GLCCI1: variants seen among roughly 807,000 people sequenced by gnomAD.
GLCCI1 encodes glucocorticoid induced 1.
GLCCI1 carries 24 observed loss-of-function variants against 52.2 expected under a neutral mutation model. That is an observed-to-expected ratio of 0.46 (90% confidence interval 0.33 to 0.65). GLCCI1 has a LOEUF of 0.65. Among genes scored for constraint, GLCCI1 ranks in the 30% least tolerant of loss-of-function variants. GLCCI1 has a pLI of 0.02. For missense variants in GLCCI1, 704 were observed against 701.5 expected (o/e 1.00, Z -0.04); for synonymous variants, 310 against 276.5 (o/e 1.12, Z -1.20).
At chr7:7,981,828 T>C (rs2115408436) in intron 1 of GLCCI1, 1 of 427,346 alleles carries the variant, frequency 2.3e-6, no homozygotes. Flanking sequence ...TAAGCCCAAA[T>C]AGGAGGCAAA....
Position 8,060,233 on chromosome 7 carries a change from G to A in GLCCI1, c.951G>A (p.Lys317=). 2 of 1,610,492 alleles carry A rather than the reference G, an allele frequency of 1.2e-6. No individual in the cohort carries two copies. Among genetic ancestry groups the A allele is most frequent in the Non-Finnish European group, 1.7e-6 (2 of 1,177,208 alleles). The change falls in exon 5 of 8, where the codon AAG becomes AAA. Residue 317 remains lysine (K), a synonymous_variant. Transcript: ENST00000223145. ...TATTCATTAAAGAAAATAATGGGAA[G>A]GAAGAAGTATCCAAGGTAAGGTTAC... ...EKVFIKENNG[K]EEVSKPLDIP...
intron 3 of GLCCI1, among the ~76,000 whole-genome samples, chr7:8,054,945 A>T (rs1188459548): frequency 6.6e-6 from 1 of 151,938 alleles, no homozygotes. Flanking sequence ...ATAAGTTACT[A>T]AATAGCTTTG....
At chr7:8,075,625 G>A (rs1003090236) in intron 6 of GLCCI1, among the ~76,000 whole-genome samples, 1 of 152,198 alleles carries the variant, frequency 6.6e-6, no homozygotes, top group Non-Finnish European at 1.5e-5. Flanking sequence ...ACAAAATGTA[G>A]ACTTCAGTCA....
chr7:8,085,447 GGTTT>G (rs1272076141), intron 7 of GLCCI1, among the ~76,000 whole-genome samples: 7 of 152,128 alleles, frequency 4.6e-5, no homozygotes, highest in African/African-American at 4.8e-5. Flanking sequence ...GTTCACAAGG[GGTTT>G]GTTATCTTCA....
chr7:7,984,138 G>C (rs1780675654), intron 1 of GLCCI1, among the ~76,000 whole-genome samples: 2 of 152,222 alleles, frequency 1.3e-5, no homozygotes, highest in Admixed American at 6.5e-5. Context: ...ATGGCTCACT[G>C]CAGCCTCAGC....
chr7:8,042,399 CA>C (rs1283613581), intron 3 of GLCCI1, among the ~76,000 whole-genome samples: 6 of 152,134 alleles, frequency 3.9e-5, no homozygotes, highest in African/African-American at 1.2e-4. Flanking sequence ...TTCAAAATAT[CA>C]TTAACAGGAG....
At chr7:8,049,372 G>C (rs1782206325) in intron 3 of GLCCI1, among the ~76,000 whole-genome samples, 1 of 151,926 alleles carries the variant, frequency 6.6e-6, no homozygotes, top group Non-Finnish European at 1.5e-5. Flanking sequence ...GGTTTTTCTG[G>C]ACCTACAAGA....
intron 1 of GLCCI1, among the ~76,000 whole-genome samples, chr7:8,003,701 C>G (rs1583962922): frequency 6.6e-6 from 1 of 151,962 alleles, no homozygotes; most frequent in African/African-American, 2.4e-5. Context: ...TGTGGGAGCC[C>G]TGGAAATGTA....
At chr7:8,020,676 T>C (rs1447456595) in intron 2 of GLCCI1, among the ~76,000 whole-genome samples, 2 of 152,108 alleles carry the variant, frequency 1.3e-5, no homozygotes, top group East Asian at 1.9e-4. Flanking sequence ...TGAATAATTG[T>C]GGAAAATGCT....
intron 3 of GLCCI1, among the ~76,000 whole-genome samples, chr7:8,049,492 T>C (rs918539397): frequency 1.3e-5 from 2 of 152,190 alleles, no homozygotes; most frequent in African/African-American, 4.8e-5. Flanking sequence ...CTAAATTAAA[T>C]TGAATCGTAA....
At chr7:8,061,578 G>A (rs1207328039) in intron 5 of GLCCI1, among the ~76,000 whole-genome samples, 1 of 145,846 alleles carries the variant, frequency 6.9e-6, no homozygotes, top group Non-Finnish European at 1.5e-5. Flanking sequence ...AACATTTCAT[G>A]TTAAGTTTAT....
At position 7,992,043 on chromosome 7, in the gene GLCCI1, TTTTCTTTCTTTCTTTCTTTCTTTC is replaced by T. The variant is rs60028694; in HGVS notation, c.458-11831_458-11808del. ...CGTTGGAGGAATATTAGAATTTATT[TTTTCTTTCTTTCTTTCTTTCTTTC>T]TTTCTTTCTTTCTTTCTTTCTTTCT... On this transcript the variant is annotated intron_variant, in intron 1 of 7. Transcript: ENST00000223145. 2.7e-3 allele frequency among the ~76,000 whole-genome samples: 347 copies of T among 128,820 alleles called. 1 individual carries two copies. The highest frequency in any genetic ancestry group is 3.8e-3 in the Admixed American group (46 of 12,222). The allele number at this position is 128,820 out of a possible 152,430, so 84.5% of individuals were successfully genotyped here.
intron 1 of GLCCI1, among the ~76,000 whole-genome samples, chr7:7,995,575 A>G (rs1780922985): frequency 6.6e-6 from 1 of 152,220 alleles, no homozygotes; most frequent in Non-Finnish European, 1.5e-5. Flanking sequence ...GCAGCCATAA[A>G]AAAGGATGAG....
intron 3 of GLCCI1, among the ~76,000 whole-genome samples, chr7:8,052,120 T>TA (rs202182240): frequency 6.6e-6 from 1 of 152,070 alleles, no homozygotes; most frequent in Non-Finnish European, 1.5e-5. Flanking sequence ...TTTTTTTTTT[T>TA]AAAGGGCAGT....
intron 3 of GLCCI1, among the ~76,000 whole-genome samples, chr7:8,039,133 T>G (rs148864178): frequency 3.9e-5 from 6 of 152,118 alleles, no homozygotes; most frequent in African/African-American, 1.4e-4. Context: ...GAAAAGGGAA[T>G]GCTTATACAC....
At chr7:8,006,731 T>A (rs529291153) in intron 2 of GLCCI1, among the ~76,000 whole-genome samples, 3 of 152,310 alleles carry the variant, frequency 2.0e-5, no homozygotes, top group African/African-American at 7.2e-5. Flanking sequence ...AAACTAAGAA[T>A]TCTCAGATTC....
chr7:8,022,195 A>G (rs1781507815), intron 2 of GLCCI1, among the ~76,000 whole-genome samples: 1 of 152,190 alleles, frequency 6.6e-6, no homozygotes. Context: ...CAATACACAT[A>G]TCTTTACTAT....
In GLCCI1 at chr7:7,969,445, C is replaced by G; in HGVS notation, c.95C>G (p.Pro32Arg). 1 of 1,200,884 alleles carries G rather than the reference C, an allele frequency of 8.3e-7. No individual in the cohort carries two copies. Among genetic ancestry groups the G allele is most frequent in the Non-Finnish European group, 1.0e-6 (1 of 965,226 alleles). 74.4% of individuals were successfully genotyped at this position (1,200,884 alleles called of 1,614,324 possible). ...AGGCGCAGCGCCGCGGGGTCCCCGC[C>G]CGCCGTCGCCGCCGCCGGGAGCGGG... Reference protein sequence around the residue: ...RMRRSAAGSPPAVAAAGSGNG... With the variant: ...RMRRSAAGSPRAVAAAGSGNG... The change falls in exon 1 of 8, where the codon CCC becomes CGC. Residue 32 changes from proline (P) to arginine (R), a missense_variant. By Grantham distance (103) the Pro-to-Arg change is moderately radical (BLOSUM62 -2). Coordinates refer to ENST00000223145, the MANE Select transcript of GLCCI1 (RefSeq NM_138426.4). The surrounding 1 kb of genome is among the most constrained non-coding windows in gnomAD (Gnocchi z 4.9).
In GLCCI1 at chr7:8,086,127, A is replaced by T; in HGVS notation, c.1299-66A>T. The T allele has an allele frequency of 7.2e-7, 1 of 1,380,504 alleles. No individual in the cohort carries two copies. The highest frequency in any genetic ancestry group is 9.9e-7 in the Non-Finnish European group (1 of 1,009,042). 85.5% of individuals were successfully genotyped at this position (1,380,504 alleles called of 1,614,324 possible). ...TAGCTGTTTTAGAGAACTCCAGTTA[A>T]TTCAGAAAATGCTTAACTTTTTCTG... On this transcript the variant is annotated intron_variant, in intron 7 of 7. Coordinates refer to ENST00000223145, the MANE Select transcript of GLCCI1 (RefSeq NM_138426.4). The surrounding 1 kb of genome is among the most constrained non-coding windows in gnomAD (Gnocchi z 4.4).
Sources: gnomAD v4.1 joint callset for allele counts (sites outside exome capture counted in the v4.1 genomes callset) on GRCh38, gnomAD v4.1.1 for gene constraint, Gnocchi (gnomAD v3.1) non-coding constraint, MANE v1.5 for transcripts, NCBI Gene and HGNC (gene_info 2026-07-23, HGNC 2026-07-21) for gene names.